COX7B2: variants seen among roughly 807,000 people sequenced by gnomAD.
COX7B2 encodes the protein cytochrome c oxidase subunit 7B2.
For missense variants in COX7B2, 109 were observed against 95.9 expected, an observed-to-expected ratio of 1.14 and a Z score of -0.57; for synonymous variants, 37 against 32.1, an observed-to-expected ratio of 1.15 and a Z score of -0.51.
intron 2 of COX7B2, among the ~76,000 whole-genome samples, chr4:46,754,671 C>G (rs1715643521): frequency 7.5e-6 from 1 of 133,198 alleles, no homozygotes; most frequent in South Asian, 2.6e-4. Context: ...GCACATGTAC[C>G]CTAGAACTTA....
chr4:46,873,670 T>A (rs1262052889), intron 1 of COX7B2, among the ~76,000 whole-genome samples: 2 of 152,202 alleles, frequency 1.3e-5, no homozygotes, highest in Non-Finnish European at 2.9e-5. Flanking sequence ...TTGCTATTAC[T>A]ATTTTTTTTA....
chr4:46,856,612 C>T (rs953542142), intron 1 of COX7B2, among the ~76,000 whole-genome samples: 1 of 152,158 alleles, frequency 6.6e-6, no homozygotes, highest in African/African-American at 2.4e-5. Context: ...ACAGGGGACA[C>T]TGCCCCTGCC....
At chr4:46,748,849 T>C (rs1036869475) in intron 2 of COX7B2, among the ~76,000 whole-genome samples, 1 of 152,134 alleles carries the variant, frequency 6.6e-6, no homozygotes, top group Non-Finnish European at 1.5e-5. Flanking sequence ...GCTTTTTATG[T>C]TCTCTCTCTC....
At chr4:46,831,774 C>A (rs1715127039) in intron 2 of COX7B2, among the ~76,000 whole-genome samples, 1 of 152,146 alleles carries the variant, frequency 6.6e-6, no homozygotes, top group South Asian at 2.1e-4. Flanking sequence ...CCAATCAGCA[C>A]TCTGTGTCTA....
intron 1 of COX7B2, among the ~76,000 whole-genome samples, chr4:46,900,223 G>A (rs1200096700): frequency 6.6e-6 from 1 of 152,144 alleles, no homozygotes; most frequent in African/African-American, 2.4e-5. Context: ...ATAAGAGCCA[G>A]GGCTTGGAGA....
chr4:46,896,356 G>T (rs1560443154), intron 1 of COX7B2, among the ~76,000 whole-genome samples: 1 of 152,144 alleles, frequency 6.6e-6, no homozygotes, highest in Non-Finnish European at 1.5e-5. Flanking sequence ...TAGCAGTTAT[G>T]CTATTGGTAG....
chr4:46,745,586 C>G (rs745429951), intron 2 of COX7B2, among the ~76,000 whole-genome samples: 1 of 152,124 alleles, frequency 6.6e-6, no homozygotes, highest in Non-Finnish European at 1.5e-5. Flanking sequence ...GTGAGAAAAA[C>G]TGGCCAGAGG....
At chr4:46,799,280 C>T (rs1490425443) in intron 2 of COX7B2, among the ~76,000 whole-genome samples, 1 of 152,092 alleles carries the variant, frequency 6.6e-6, no homozygotes, top group Non-Finnish European at 1.5e-5. Context: ...ATGAGGTTTT[C>T]TAATGATAAA....
intron 2 of COX7B2, among the ~76,000 whole-genome samples, chr4:46,834,782 TA>T (rs1358961144): frequency 2.0e-5 from 3 of 152,048 alleles, no homozygotes; most frequent in Non-Finnish European, 4.4e-5. Flanking sequence ...TAATCTCACA[TA>T]GAAGCTATTG....
chr4:46,841,711 C>G (rs1220197202), intron 2 of COX7B2, among the ~76,000 whole-genome samples: 1 of 151,868 alleles, frequency 6.6e-6, no homozygotes, highest in Non-Finnish European at 1.5e-5. Context: ...AAATAATATG[C>G]AGCACTAGAT....
intron 2 of COX7B2, among the ~76,000 whole-genome samples, chr4:46,748,076 T>C (rs1715130088): frequency 1.5e-5 from 2 of 133,894 alleles, no homozygotes; most frequent in Non-Finnish European, 3.3e-5. Context: ...AACTTTCTGA[T>C]TTACATTAAA....
intron 2 of COX7B2, among the ~76,000 whole-genome samples, chr4:46,785,008 A>T (rs1399320732): frequency 6.6e-6 from 1 of 152,244 alleles, no homozygotes; most frequent in Non-Finnish European, 1.5e-5. Context: ...ACATGCACAA[A>T]TCTGGCATGA....
intron 1 of COX7B2, among the ~76,000 whole-genome samples, chr4:46,874,546 A>G (rs1266432642): frequency 6.6e-6 from 1 of 152,204 alleles, no homozygotes; most frequent in African/African-American, 2.4e-5. Context: ...GGACCATCAT[A>G]TCAATTCTCT....
At chr4:46,863,786 G>A (rs1717482775) in intron 1 of COX7B2, among the ~76,000 whole-genome samples, 2 of 152,030 alleles carry the variant, frequency 1.3e-5, no homozygotes, top group South Asian at 2.1e-4. Context: ...TAAAAGCAAT[G>A]TTTTCCTCCA....
In COX7B2 at chr4:46,847,014, G is replaced by A. The variant is rs151128071; in HGVS notation, c.-104-2000C>T. Among the ~76,000 whole-genome samples the A allele has an allele frequency of 7.7e-3, 1,177 of 152,112 alleles. 18 individuals are homozygous for A. Among genetic ancestry groups the A allele is most frequent in the African/African-American group, 0.027 (1,134 of 41,536 alleles). ...CCAAGAGGAACTATATATAAACTAT[G>A]CAGTTGGCTATACTGGTGTGAAGTT... On this transcript the variant is annotated intron_variant, in intron 1 of 2. Transcript: ENST00000355591.
chr4:46,759,450 TCAGA>T (rs1440985710), intron 2 of COX7B2, among the ~76,000 whole-genome samples: 2 of 151,874 alleles, frequency 1.3e-5, no homozygotes, highest in Non-Finnish European at 2.9e-5. Context: ...AATCTATCCA[TCAGA>T]CAAAGGGCTA....
intron 1 of COX7B2, among the ~76,000 whole-genome samples, chr4:46,854,704 T>C (rs1384072951): frequency 6.6e-6 from 1 of 152,190 alleles, no homozygotes; most frequent in Non-Finnish European, 1.5e-5. Context: ...ACAGAATATT[T>C]ATAATTTAAG....
chr4:46,889,806 ACACT>A (rs1719317119), intron 1 of COX7B2, among the ~76,000 whole-genome samples: 1 of 152,130 alleles, frequency 6.6e-6, no homozygotes, highest in South Asian at 2.1e-4. Context: ...ACACACACAC[ACACT>A]CTGAAACTGA....
intron 2 of COX7B2, among the ~76,000 whole-genome samples, chr4:46,737,578 A>C (rs1470537870): frequency 1.3e-5 from 2 of 152,192 alleles, no homozygotes; most frequent in Non-Finnish European, 2.9e-5. Flanking sequence ...AATGCTAAGA[A>C]CAAGCCAAAA....
Sources: gnomAD v4.1 joint callset for allele counts (sites outside exome capture counted in the v4.1 genomes callset) on GRCh38, gnomAD v4.1.1 for gene constraint, MANE v1.5 for transcripts, NCBI Gene and HGNC (gene_info 2026-07-23, HGNC 2026-07-21) for gene names.